PROCA1: variants seen among roughly 807,000 people sequenced by gnomAD.
PROCA1 encodes protein interacting with cyclin A1, also known as protein PROCA1.
PROCA1 carries 22 observed loss-of-function variants against 23.2 expected under a neutral mutation model. The observed-to-expected ratio is 0.95, with a 90% confidence interval of 0.68 to 1.35. The LOEUF (loss-of-function observed/expected upper bound fraction) is 1.35, where lower values mean the gene tolerates loss of function less well. PROCA1 is among the 40% of genes most tolerant of loss of function. PROCA1 has a pLI of 0.00. For synonymous variants in PROCA1, 182 were observed against 179.2 expected (o/e 1.02, Z -0.12); for missense variants, 469 against 459.8 (o/e 1.02, Z -0.18).
intron 1 of PROCA1, chr17:28,710,968 A>T (rs1279800849): frequency 1.2e-5 from 13 of 1,086,082 alleles, no homozygotes; most frequent in Non-Finnish European, 1.6e-5. Context: ...AGCAGCCGAA[A>T]GGAGTAGGGT....
In PROCA1 at chr17:28,703,732, G is replaced by A; in HGVS notation, c.921C>T (p.Asp307=). 6.2e-7 allele frequency: 1 copy of A among 1,614,068 alleles called. No individual in the cohort carries two copies. The highest frequency in any genetic ancestry group is 8.5e-7 in the Non-Finnish European group (1 of 1,180,028). The part of the protein sequence containing the change: ...PESREELESE[D]SYNGRGQGEL... ...CTCCCTGCCCCCGGCCATTGTAACTGTCCTCGCTCTCCAGCTCTTCCCGGC... is the reference window on the plus strand; with the variant it reads ...CTCCCTGCCCCCGGCCATTGTAACTATCCTCGCTCTCCAGCTCTTCCCGGC... The change falls in exon 5 of 5, where the codon GAC becomes GAT. Residue 307 remains aspartate, a synonymous_variant. Transcript: ENST00000682792.
intron 4 of PROCA1, 37 bp from the exon 5 acceptor site, chr17:28,704,249 G>GT: frequency 6.4e-7 from 1 of 1,570,324 alleles, no homozygotes; most frequent in Non-Finnish European, 8.6e-7. Flanking sequence ...TTGACAGAGA[G>GT]TGGGGGGCAG....
intron 1 of PROCA1, chr17:28,711,277 CG>C (rs957980587): frequency 1.6e-6 from 1 of 636,198 alleles, no homozygotes; most frequent in Admixed American, 4.0e-5. Flanking sequence ...CCACCCAGTC[CG>C]ATAGCCGAGC....
Position 28,711,576 on chromosome 17 carries a change from A to C in PROCA1, c.85T>G (p.Cys29Gly). ...PKARSWDESR[C>G]RDVNRLPSWE... ...CCTGCCCCGCCCCTCTTACCGCGGC[A>C]TCTGCTCTCATCCCACGAGCGGGCC... The change falls in exon 1 of 5, where the codon TGC (cysteine) becomes GGC (glycine). Residue 29 changes from cysteine to glycine, a missense_variant. Coordinates refer to ENST00000682792, the MANE Select transcript of PROCA1 (RefSeq NM_001366301.1). 1 of 1,609,430 alleles carries C rather than the reference A, an allele frequency of 6.2e-7. No homozygotes were observed. Among genetic ancestry groups the C allele is most frequent in the Non-Finnish European group, 8.5e-7 (1 of 1,178,748 alleles).
At position 28,704,763 on chromosome 17, in the gene PROCA1, A is replaced by G. The variant is rs2032375813; in HGVS notation, c.256T>C (p.Cys86Arg). 1 of 1,613,908 alleles carries G rather than the reference A, an allele frequency of 6.2e-7. No homozygotes were observed. The highest frequency in any genetic ancestry group is 8.5e-7 in the Non-Finnish European group (1 of 1,179,832). ...TGTAGGTGCAGGCTGTGGCGGACACAGTCAGAGGCGAAAGGGTAGATGATG... is the reference window on the plus strand; with the variant it reads ...TGTAGGTGCAGGCTGTGGCGGACACGGTCAGAGGCGAAAGGGTAGATGATG... ...GHIIYPFASD[C>R]VRHSLHLHSV... The change falls in exon 3 of 5, where the codon TGT becomes CGT. Residue 86 changes from cysteine to arginine, a missense_variant. Transcript: ENST00000682792.
intron 1 of PROCA1, among the ~76,000 whole-genome samples, chr17:28,709,417 G>A (rs916833652): frequency 6.6e-6 from 1 of 151,762 alleles, no homozygotes; most frequent in African/African-American, 2.4e-5. Flanking sequence ...CACCATGCCC[G>A]GCTAATTTTA....
chr17:28,710,625 A>G (rs977479674), intron 1 of PROCA1, among the ~76,000 whole-genome samples: 4 of 150,750 alleles, frequency 2.7e-5, no homozygotes, highest in African/African-American at 9.8e-5. Flanking sequence ...AGACGAGGGG[A>G]GGAAGGACAA....
At chr17:28,706,843 C>A in intron 1 of PROCA1, 80 bp from the exon 2 acceptor site, 1 of 1,282,706 alleles carries the variant, frequency 7.8e-7, no homozygotes. Flanking sequence ...CCGAGAAACT[C>A]CACATGTCAG....
At chr17:28,710,992 A>AGGAGTAGGGCGGGAAGGGAGGGAC (rs2151691698) in intron 1 of PROCA1, 9 of 600,186 alleles carry the variant, frequency 1.5e-5, no homozygotes, top group East Asian at 8.4e-5. Context: ...AAGGGAGGGA[A>AGGAGTAGGGCGGGAAGGGAGGGAC]GGAGTAGGGC....
At chr17:28,709,207 A>G (rs897248965) in intron 1 of PROCA1, among the ~76,000 whole-genome samples, 2 of 152,086 alleles carry the variant, frequency 1.3e-5, no homozygotes, top group African/African-American at 4.8e-5. Context: ...ACCCCTGTAA[A>G]CAAAGGTCAT....
rs1477589379 is a variant in PROCA1, at chr17:28,704,705, C to T, written c.311+3G>A. On this transcript the variant is annotated splice_donor_region_variant and intron_variant, in intron 3 of 4. Transcript: ENST00000682792. ...TGGGTCCCCCAAGGGGGCGGGCCCT[C>T]ACCTAGAATTACAGTTGCAGTGGTT... The T allele has an allele frequency of 2.5e-6, 4 of 1,613,986 alleles. No individual in the cohort carries two copies. Among genetic ancestry groups the T allele is most frequent in the South Asian group, 2.2e-5 (2 of 91,060 alleles).
intron 1 of PROCA1, 41 bp from the exon 2 acceptor site, chr17:28,706,804 C>A: frequency 7.7e-7 from 1 of 1,301,078 alleles, no homozygotes; most frequent in Non-Finnish European, 1.0e-6. Flanking sequence ...GCAGCCCCCT[C>A]CCTGTGCCAT....
chr17:28,705,841 C>A (rs2032448756), intron 2 of PROCA1: 1 of 152,424 alleles, frequency 6.6e-6, no homozygotes, highest in Non-Finnish European at 1.5e-5. Context: ...ACCTCGGATT[C>A]CCCAGCACTC....
At position 28,706,733 on chromosome 17, in the gene PROCA1, CCT is replaced by C. The variant is rs1187662018; in HGVS notation, c.120_121del (p.Gly41ThrfsTer11). Reference sequence around the variant, plus strand: ...GGACGCCACACCAGCCAGCAGATGTCCTCTCTCCCAGCTGGGTAACCTGTTTA... The same window carrying C: ...GGACGCCACACCAGCCAGCAGATGTCCTCTCCCAGCTGGGTAACCTGTTTA... On this transcript the variant is annotated frameshift_variant, in exon 2 of 5. Coordinates refer to ENST00000682792, the MANE Select transcript of PROCA1 (RefSeq NM_001366301.1). LOFTEE classifies it high-confidence loss of function. 1.5e-6 allele frequency: 2 copies of C among 1,303,684 alleles called. No individual in the cohort carries two copies. The highest frequency in any genetic ancestry group is 5.6e-5 in the East Asian group (1 of 18,012). 80.8% of individuals were successfully genotyped at this position (1,303,684 alleles called of 1,614,324 possible).
chr17:28,704,854 A>AG lies in PROCA1; in HGVS notation c.176-12dup. On this transcript the variant is annotated splice_polypyrimidine_tract_variant and intron_variant, in intron 2 of 4. Coordinates refer to ENST00000682792, the MANE Select transcript of PROCA1 (RefSeq NM_001366301.1). ...GCTCCTTGCAGTCACCTGAGGGGGC[A>AG]GGAGTCTGGGTCATCAGTAGCAGCC... 6.2e-7 allele frequency: 1 copy of AG among 1,611,448 alleles called. No homozygotes were observed. The highest frequency in any genetic ancestry group is 1.1e-5 in the South Asian group (1 of 90,954).
rs1325173453 is a variant in PROCA1, at chr17:28,703,803, A to T, written c.850T>A (p.Leu284Ile). ...ATCCTGGCCAGCTGTCTTGCGCTTA[A>T]TGATCGGCTCACGTCTGGCGGGGAA... ...EPSPPDVSRS[L>I]SARQLARMSE... The change falls in exon 5 of 5, where the codon TTA becomes ATA. Residue 284 changes from leucine (L) to isoleucine (I), a missense_variant. Coordinates refer to ENST00000682792, the MANE Select transcript of PROCA1 (RefSeq NM_001366301.1). The T allele has an allele frequency of 6.2e-7, 1 of 1,614,168 alleles. No homozygotes were observed.
At chr17:28,708,793 C>A (rs911889207) in intron 1 of PROCA1, among the ~76,000 whole-genome samples, 1 of 149,970 alleles carries the variant, frequency 6.7e-6, no homozygotes, top group African/African-American at 2.5e-5. Flanking sequence ...TCCAGGAGTT[C>A]GAGACCAGCC....
chr17:28,704,122 T>C lies in PROCA1; in HGVS notation c.531A>G (p.Glu177=), dbSNP rs1199509963. ...GGGGCTTGCTTTCCTCCTCCTCCTCTTCCTCTTCTTCATTTAGATCATCTG... is the reference window on the plus strand; with the variant it reads ...GGGGCTTGCTTTCCTCCTCCTCCTCCTCCTCTTCTTCATTTAGATCATCTG... ...CGADDLNEEE[E]EEEEESKPPI... The change falls in exon 5 of 5, where the codon GAA becomes GAG. Residue 177 remains glutamate, a synonymous_variant. Coordinates refer to ENST00000682792, the MANE Select transcript of PROCA1 (RefSeq NM_001366301.1). The C allele has an allele frequency of 5.7e-6, 9 of 1,567,722 alleles. No homozygotes were observed. In the South Asian group the frequency reaches 1.1e-4, roughly 19 times the overall value.
chr17:28,705,159 G>A (rs2032408025), intron 2 of PROCA1: 2 of 288,160 alleles, frequency 6.9e-6, no homozygotes, highest in Admixed American at 4.8e-5. Context: ...CTGACAATGA[G>A]TGGCAGCCCT....
Sources: gnomAD v4.1 joint callset for allele counts (sites outside exome capture counted in the v4.1 genomes callset) on GRCh38, gnomAD v4.1.1 for gene constraint, MANE v1.5 for transcripts, NCBI Gene and HGNC (gene_info 2026-07-23, HGNC 2026-07-21) for gene names.